NLGN4X: variants seen among roughly 807,000 people sequenced by gnomAD.
The protein encoded by NLGN4X is neuroligin 4 X-linked.
A neutral mutation model predicts 40.3 loss-of-function variants in NLGN4X; 3 were observed. That is an observed-to-expected ratio of 0.07 (90% CI 0.03 to 0.19). NLGN4X has a LOEUF of 0.19. NLGN4X is among the 10% of genes least tolerant of loss of function. The pLI, the probability that NLGN4X is intolerant of heterozygous loss-of-function variation, is 1.00. For missense variants in NLGN4X, 382 were observed against 708.3 expected, an observed-to-expected ratio of 0.54 and a Z score of 5.23; for synonymous variants, 270 against 306.8, an observed-to-expected ratio of 0.88 and a Z score of 1.25.
At chrX:6,153,522 C>G (rs1393954399) in intron 1 of NLGN4X, among the ~76,000 whole-genome samples, 1 of 112,002 alleles carries the variant, frequency 8.9e-6, no homozygotes, top group Non-Finnish European at 1.9e-5. Context: ...TGCTTCTTTC[C>G]TGAAAGATTT....
Position 5,892,536 on chromosome X carries a change from T to G in NLGN4X, c.*281A>C. 9.0e-6 allele frequency: 3 copies of G among 334,392 alleles called. No individual in the cohort carries two copies. Among genetic ancestry groups the G allele is most frequent in the East Asian group, 1.1e-4 (2 of 17,506 alleles). 27.6% of individuals were successfully genotyped at this position (334,392 alleles called of 1,213,427 possible). A position where few individuals can be genotyped will look rare whatever the true frequency, so the allele number is the denominator to read the frequency against. On this transcript the variant is annotated 3_prime_UTR_variant, in exon 6 of 6. Coordinates refer to ENST00000381095, the MANE Select transcript of NLGN4X (RefSeq NM_181332.3). ...GATGTCCTATCACACTAAACATCGATTGGAGTGGTAGAGATCTTAAAGCAG... is the reference window on the plus strand; with the variant it reads ...GATGTCCTATCACACTAAACATCGAGTGGAGTGGTAGAGATCTTAAAGCAG...
intron 3 of NLGN4X, among the ~76,000 whole-genome samples, chrX:5,932,097 C>T (rs1328442249): frequency 2.7e-5 from 3 of 111,254 alleles, no homozygotes; most frequent in Non-Finnish European, 3.8e-5. Flanking sequence ...TTCAGGGCCA[C>T]CAGTCACTTA....
intron 4 of NLGN4X, among the ~76,000 whole-genome samples, chrX:5,908,496 CA>C (rs1168975099): frequency 9.0e-6 from 1 of 110,748 alleles, no homozygotes; most frequent in African/African-American, 3.3e-5. Context: ...AATAAAATTT[CA>C]AATAGTCAAA....
intron 3 of NLGN4X, among the ~76,000 whole-genome samples, chrX:5,925,831 TATATATATATATACATACAC>T (rs1405532529): frequency 0.015 from 870 of 58,675 alleles, 17 homozygotes; most frequent in Non-Finnish European, 0.021. Context: ...CCACCATATA[TATATATATATATACATACAC>T]ATATATATAT....
intron 1 of NLGN4X, among the ~76,000 whole-genome samples, chrX:6,189,477 A>G (rs1922355634): frequency 1.8e-5 from 2 of 112,461 alleles, no homozygotes; most frequent in Admixed American, 9.4e-5. Flanking sequence ...AGACATACTG[A>G]TAATGCCCAG....
chrX:6,224,524 A>C (rs1480999387), intron 1 of NLGN4X, among the ~76,000 whole-genome samples: 1 of 111,539 alleles, frequency 9.0e-6, no homozygotes, highest in African/African-American at 3.3e-5. Flanking sequence ...AAATCTATAT[A>C]TTTACCATTA....
chrX:6,079,882 T>C (rs1288284165), intron 2 of NLGN4X, among the ~76,000 whole-genome samples: 2 of 111,272 alleles, frequency 1.8e-5, no homozygotes, highest in Admixed American at 9.6e-5. Flanking sequence ...TTCTAAATTT[T>C]CCAGACAGCT....
chrX:6,113,191 C>T (rs1252447728), intron 2 of NLGN4X, among the ~76,000 whole-genome samples: 1 of 110,854 alleles, frequency 9.0e-6, no homozygotes, highest in Non-Finnish European at 1.9e-5. Flanking sequence ...AAAATACCAA[C>T]GAAATCAGAA....
At chrX:5,987,834 G>C (rs1278511888) in intron 3 of NLGN4X, among the ~76,000 whole-genome samples, 4 of 111,952 alleles carry the variant, frequency 3.6e-5, no homozygotes, top group Admixed American at 1.9e-4. Context: ...AGCACTCTGG[G>C]AGGCTGAGAT....
chrX:6,014,766 T>C (rs754038424), intron 3 of NLGN4X, among the ~76,000 whole-genome samples: 18 of 111,779 alleles, frequency 1.6e-4, no homozygotes, highest in Admixed American at 1.1e-3. Context: ...CCCCTTTACA[T>C]AGACAGCCAT....
chrX:6,056,138 G>A (rs1215651141), intron 2 of NLGN4X, among the ~76,000 whole-genome samples: 1 of 111,904 alleles, frequency 8.9e-6, no homozygotes, highest in Non-Finnish European at 1.9e-5. Flanking sequence ...GTAAAAAGAT[G>A]GGTAAGTGGG....
rs1201547274 is a variant in NLGN4X, at chrX:6,132,201, TTA to T, written c.472+18792_472+18793del. Among the ~76,000 whole-genome samples the T allele has an allele frequency of 1.8e-5, 2 of 111,225 alleles. 1 individual carries two copies. The highest frequency in any genetic ancestry group is 6.5e-5 in the African/African-American group (2 of 30,620). Reference sequence around the variant, plus strand: ...CTGTGGGCATTTGGGGGCTGGATGATTATGTTTGTTGTGAGGGCTGTACTGTG... The same window carrying T: ...CTGTGGGCATTTGGGGGCTGGATGATTGTTTGTTGTGAGGGCTGTACTGTG... On this transcript the variant is annotated intron_variant, in intron 2 of 5. Transcript: ENST00000381095.
At chrX:5,953,996 T>C (rs1425237050) in intron 3 of NLGN4X, among the ~76,000 whole-genome samples, 1 of 111,541 alleles carries the variant, frequency 9.0e-6, no homozygotes, top group African/African-American at 3.3e-5. Context: ...AAAGGCCATA[T>C]GTGCTCAACC....
intron 3 of NLGN4X, among the ~76,000 whole-genome samples, chrX:5,951,407 C>T (rs1269722838): frequency 9.0e-6 from 1 of 111,523 alleles, no homozygotes; most frequent in African/African-American, 3.3e-5. Context: ...AGAAGAGCAT[C>T]GAACCTGGAG....
At chrX:6,196,938 C>T (rs1923144512) in intron 1 of NLGN4X, among the ~76,000 whole-genome samples, 1 of 111,820 alleles carries the variant, frequency 8.9e-6, no homozygotes, top group Non-Finnish European at 1.9e-5. Flanking sequence ...AAGGCAGGGG[C>T]TTTTTATCAC....
intron 3 of NLGN4X, among the ~76,000 whole-genome samples, chrX:5,952,622 T>C (rs1469388697): frequency 9.0e-6 from 1 of 111,343 alleles, no homozygotes; most frequent in East Asian, 2.8e-4. Context: ...TATATCAAAG[T>C]TCTCTGCTAA....
chrX:6,194,188 G>GAT (rs201980077), intron 1 of NLGN4X, among the ~76,000 whole-genome samples: 2,008 of 111,513 alleles, frequency 0.018, 21 homozygotes, highest in Non-Finnish European at 0.031. Context: ...GTCTCCAAAA[G>GAT]ATATATATAT....
chrX:5,938,811 T>A (rs1298161029), intron 3 of NLGN4X, among the ~76,000 whole-genome samples: 1 of 111,566 alleles, frequency 9.0e-6, no homozygotes, highest in African/African-American at 3.3e-5. Flanking sequence ...TATGCATATT[T>A]TTAGGAGACA....
intron 3 of NLGN4X, among the ~76,000 whole-genome samples, chrX:6,011,730 C>T (rs1180502953): frequency 9.0e-6 from 1 of 111,238 alleles, no homozygotes; most frequent in African/African-American, 3.3e-5. Context: ...TGGAGAACAC[C>T]TGACTTGTTT....
Sources: allele counts gnomAD v4.1 joint callset (sites outside exome capture counted in the v4.1 genomes callset), GRCh38; gene constraint gnomAD v4.1.1; transcripts MANE v1.5; gene names NCBI Gene and HGNC (gene_info 2026-07-23, HGNC 2026-07-21).